Variants in GRID2 observed in about 807,000 individuals in gnomAD.
The protein encoded by GRID2 is glutamate receptor ionotropic, delta-2.
In GRID2, 33 loss-of-function variants were observed where a neutral mutation model predicts 114.8. The ratio of observed to expected loss-of-function variants is 0.29; its 90% confidence interval spans 0.22 to 0.38. The LOEUF (loss-of-function observed/expected upper bound fraction) is 0.38, where lower values mean the gene tolerates loss of function less well. Ranked by LOEUF, GRID2 falls within the 10% of genes least tolerant of loss-of-function variation. The pLI, the probability that GRID2 is intolerant of heterozygous loss-of-function variation, is 1.00. For synonymous variants in GRID2, 505 were observed against 449.9 expected (o/e 1.12, Z -1.55); for missense variants, 1,184 against 1,257.7 (o/e 0.94, Z 0.89).
chr4:93,695,123 A>G (rs553503159), intron 14 of GRID2, among the ~76,000 whole-genome samples: 128 of 150,904 alleles, frequency 8.5e-4, no homozygotes, highest in Non-Finnish European at 1.7e-3. Context: ...GTGAGCCGAG[A>G]TCGAGCCACT....
intron 14 of GRID2, among the ~76,000 whole-genome samples, chr4:93,629,860 T>G (rs1389112559): frequency 6.6e-6 from 1 of 152,224 alleles, no homozygotes; most frequent in Non-Finnish European, 1.5e-5. Context: ...GTTTATATAT[T>G]TCATAGGCAC....
intron 13 of GRID2, among the ~76,000 whole-genome samples, chr4:93,592,775 CTCT>C (rs1738534102): frequency 6.6e-6 from 1 of 152,260 alleles, no homozygotes; most frequent in Non-Finnish European, 1.5e-5. Flanking sequence ...GGACAGTTAG[CTCT>C]TCTTGTTGAA....
chr4:93,584,922 G>A (rs146822375), intron 13 of GRID2, among the ~76,000 whole-genome samples: 10 of 152,226 alleles, frequency 6.6e-5, no homozygotes, highest in African/African-American at 2.2e-4. Context: ...TGAGAGGAAT[G>A]AGTAGGAGCA....
intron 14 of GRID2, among the ~76,000 whole-genome samples, chr4:93,708,037 A>G (rs1369478855): frequency 1.3e-5 from 2 of 151,948 alleles, no homozygotes; most frequent in African/African-American, 2.4e-5. Flanking sequence ...GTTTGATTCT[A>G]TCCTTGTCAG....
At chr4:93,308,034 C>T (rs977530052) in intron 8 of GRID2, among the ~76,000 whole-genome samples, 8 of 152,016 alleles carry the variant, frequency 5.3e-5, no homozygotes, top group Non-Finnish European at 1.2e-4. Flanking sequence ...GATCTATGTA[C>T]TGCCAATGAA....
chr4:93,574,790 AGT>A (rs1215356808), intron 13 of GRID2, among the ~76,000 whole-genome samples: 1 of 152,218 alleles, frequency 6.6e-6, no homozygotes, highest in Non-Finnish European at 1.5e-5. Flanking sequence ...AAAACTTTAT[AGT>A]GCTTTATAAG....
intron 2 of GRID2, among the ~76,000 whole-genome samples, chr4:92,675,420 G>T (rs920227535): frequency 3.3e-5 from 5 of 151,952 alleles, no homozygotes; most frequent in African/African-American, 1.2e-4. Flanking sequence ...TTCTGTGACT[G>T]GTTCCCTCCT....
chr4:92,348,645 T>C (rs1727904978), intron 1 of GRID2, among the ~76,000 whole-genome samples: 1 of 152,186 alleles, frequency 6.6e-6, no homozygotes, highest in Non-Finnish European at 1.5e-5. Context: ...GGTATGTTAA[T>C]TACAGTTCAT....
At chr4:93,500,005 T>C (rs1727941303) in intron 12 of GRID2, among the ~76,000 whole-genome samples, 1 of 151,926 alleles carries the variant, frequency 6.6e-6, no homozygotes, top group Non-Finnish European at 1.5e-5. Flanking sequence ...AATGAATAAA[T>C]GGCATCCATA....
At chr4:93,107,137 G>A (rs539760706) in intron 3 of GRID2, among the ~76,000 whole-genome samples, 3 of 152,008 alleles carry the variant, frequency 2.0e-5, no homozygotes, top group East Asian at 1.9e-4. Flanking sequence ...TGTCTCTACC[G>A]AAAATACAAA....
intron 1 of GRID2, among the ~76,000 whole-genome samples, chr4:92,531,024 A>T (rs1725327635): frequency 6.6e-6 from 1 of 152,126 alleles, no homozygotes; most frequent in African/African-American, 2.4e-5. Flanking sequence ...AAAAGTCCTT[A>T]TTATTTACAG....
intron 13 of GRID2, among the ~76,000 whole-genome samples, chr4:93,567,188 A>T (rs1735506825): frequency 6.6e-6 from 1 of 152,166 alleles, no homozygotes; most frequent in South Asian, 2.1e-4. Flanking sequence ...AATCATGATT[A>T]TTTTTCCAGC....
intron 2 of GRID2, among the ~76,000 whole-genome samples, chr4:92,999,816 A>T (rs1268537461): frequency 1.3e-5 from 2 of 151,600 alleles, no homozygotes; most frequent in Non-Finnish European, 3.0e-5. Flanking sequence ...ATGCTGTCGA[A>T]TTGCTCTCCA....
At chr4:93,025,023 G>C (rs1723756349) in intron 2 of GRID2, among the ~76,000 whole-genome samples, 1 of 151,556 alleles carries the variant, frequency 6.6e-6, no homozygotes, top group Admixed American at 6.6e-5. Flanking sequence ...TAATGAAAAA[G>C]TGGCATTCAG....
At chr4:92,487,717 T>C (rs1722962288) in intron 1 of GRID2, among the ~76,000 whole-genome samples, 1 of 151,882 alleles carries the variant, frequency 6.6e-6, no homozygotes, top group Non-Finnish European at 1.5e-5. Context: ...CAATGTTTTC[T>C]CTAAGTGTTT....
At chr4:93,186,312 T>C (rs780203281) in intron 4 of GRID2, among the ~76,000 whole-genome samples, 16 of 152,264 alleles carry the variant, frequency 1.1e-4, no homozygotes, top group East Asian at 1.9e-4. Flanking sequence ...CTTGAGGAAT[T>C]GCCACACTGT....
intron 13 of GRID2, among the ~76,000 whole-genome samples, chr4:93,518,224 A>C (rs1344434204): frequency 6.6e-6 from 1 of 151,684 alleles, no homozygotes; most frequent in Non-Finnish European, 1.5e-5. Flanking sequence ...TTGTGCTACT[A>C]GTCTCATTAA....
intron 2 of GRID2, among the ~76,000 whole-genome samples, chr4:92,896,556 T>TTATATA (rs201766302): frequency 1.4e-5 from 2 of 147,672 alleles, no homozygotes; most frequent in African/African-American, 4.9e-5. Flanking sequence ...TTTTATAATA[T>TTATATA]TATATATATA....
intron 13 of GRID2, among the ~76,000 whole-genome samples, chr4:93,542,537 G>T (rs1732755870): frequency 6.6e-6 from 1 of 152,022 alleles, no homozygotes; most frequent in South Asian, 2.1e-4. Flanking sequence ...TTTTTCACTG[G>T]AAGTAAAAAG....
Sources: allele counts gnomAD v4.1 joint callset (sites outside exome capture counted in the v4.1 genomes callset), GRCh38; gene constraint gnomAD v4.1.1; transcripts MANE v1.5; gene names NCBI Gene and HGNC (gene_info 2026-07-23, HGNC 2026-07-21).